GULP1: variants seen among roughly 807,000 people sequenced by gnomAD.
GULP1 encodes GULP PTB domain containing engulfment adaptor 1, also known as PTB domain-containing engulfment adapter protein 1.
A neutral mutation model predicts 40.9 loss-of-function variants in GULP1; 19 were observed. That is an observed-to-expected ratio of 0.46 (90% confidence interval 0.32 to 0.68). The LOEUF (loss-of-function observed/expected upper bound fraction) is 0.68. Among genes scored for constraint, GULP1 ranks in the 30% least tolerant of loss-of-function variants. GULP1 has a pLI of 0.03. For missense variants in GULP1, 312 were observed against 362.2 expected, an observed-to-expected ratio of 0.86 and a Z score of 1.12; for synonymous variants, 119 against 117.6, an observed-to-expected ratio of 1.01 and a Z score of -0.08.
chr2:188,535,696 T>C (rs145928834), intron 6 of GULP1, among the ~76,000 whole-genome samples: 3 of 152,298 alleles, frequency 2.0e-5, no homozygotes, highest in African/African-American at 7.2e-5. Flanking sequence ...TTTATGGATA[T>C]ATGTCAAGTA....
At chr2:188,523,945 A>G (rs906213506) in intron 5 of GULP1, among the ~76,000 whole-genome samples, 1 of 152,192 alleles carries the variant, frequency 6.6e-6, no homozygotes, top group Admixed American at 6.5e-5. Context: ...TTAGCCAACT[A>G]TTTATTTCCA....
chr2:188,569,046 C>G (rs1698457245), intron 7 of GULP1, among the ~76,000 whole-genome samples, 193 bp from the exon 8 acceptor site: 1 of 152,020 alleles, frequency 6.6e-6, no homozygotes, highest in Non-Finnish European at 1.5e-5. Context: ...AATGTTGTGC[C>G]TGGGTAGGTG....
chr2:188,455,733 C>T (rs957843033), intron 2 of GULP1, among the ~76,000 whole-genome samples: 3 of 152,204 alleles, frequency 2.0e-5, no homozygotes, highest in African/African-American at 2.4e-5. Context: ...AATGTGGAAG[C>T]GAATTTGGAA....
rs115352124 is a variant in GULP1 at position 188,469,452 on chromosome 2, G to A, written c.-44-8207G>A. 2.7e-3 allele frequency among the ~76,000 whole-genome samples: 418 copies of A among 152,238 alleles called. 1 individual carries two copies. The highest frequency in any genetic ancestry group is 9.7e-3 in the African/African-American group (405 of 41,550). On this transcript the variant is annotated intron_variant, in intron 2 of 11. Transcript: ENST00000409830. ...AACTGGGTAAATTATAAAGAAATGA[G>A]GTTTAACTGGCTCACGGTTCTGCAG...
intron 2 of GULP1, among the ~76,000 whole-genome samples, chr2:188,415,363 C>T (rs1428396068): frequency 6.6e-6 from 1 of 152,074 alleles, no homozygotes; most frequent in Non-Finnish European, 1.5e-5. Flanking sequence ...AACTTTATCT[C>T]AGAAGATTGC....
At chr2:188,519,521 C>G (rs553449685) in intron 4 of GULP1, among the ~76,000 whole-genome samples, 2 of 152,294 alleles carry the variant, frequency 1.3e-5, no homozygotes, top group South Asian at 4.1e-4. Context: ...TCCTGCTAAT[C>G]CTAGACCATC....
intron 2 of GULP1, among the ~76,000 whole-genome samples, chr2:188,433,359 C>G (rs1302165238): frequency 6.6e-6 from 1 of 152,086 alleles, no homozygotes; most frequent in East Asian, 1.9e-4. Context: ...CTCAGTCTGT[C>G]ATTTGTTTAT....
intron 2 of GULP1, among the ~76,000 whole-genome samples, chr2:188,421,854 A>G (rs1461454996): frequency 2.6e-5 from 4 of 152,164 alleles, no homozygotes; most frequent in African/African-American, 9.7e-5. Flanking sequence ...CCGATCTGTA[A>G]TTTTAGAAAT....
At chr2:188,459,497 G>A (rs1425305605) in intron 2 of GULP1, among the ~76,000 whole-genome samples, 3 of 151,968 alleles carry the variant, frequency 2.0e-5, no homozygotes, top group Non-Finnish European at 4.4e-5. Context: ...TCAAATTTTT[G>A]CCCATATTTT....
intron 7 of GULP1, among the ~76,000 whole-genome samples, chr2:188,553,883 T>G (rs1303944159): frequency 6.6e-6 from 1 of 152,090 alleles, no homozygotes; most frequent in East Asian, 1.9e-4. Flanking sequence ...TTTGTTAGGT[T>G]GCATGTTTCC....
chr2:188,579,571 A>T (rs1700862959), intron 9 of GULP1, among the ~76,000 whole-genome samples: 1 of 152,092 alleles, frequency 6.6e-6, no homozygotes, highest in Admixed American at 6.6e-5. Context: ...GACCCATGTG[A>T]TCTAAACAAA....
chr2:188,420,713 G>A (rs924705934), intron 2 of GULP1, among the ~76,000 whole-genome samples: 2 of 152,158 alleles, frequency 1.3e-5, no homozygotes, highest in African/African-American at 2.4e-5. Context: ...TTAGAATGTG[G>A]GAGTGCATGC....
chr2:188,350,701 T>C (rs1216965569), intron 1 of GULP1, among the ~76,000 whole-genome samples: 1 of 152,072 alleles, frequency 6.6e-6, no homozygotes, highest in Non-Finnish European at 1.5e-5. Context: ...TTTTACAATA[T>C]AACAAGTTTA....
At chr2:188,506,159 C>T (rs1347009694) in intron 4 of GULP1, among the ~76,000 whole-genome samples, 1 of 151,760 alleles carries the variant, frequency 6.6e-6, no homozygotes. Flanking sequence ...TTTATACACT[C>T]CTTTTGTCTT....
intron 2 of GULP1, among the ~76,000 whole-genome samples, chr2:188,425,415 A>T (rs969350725): frequency 4.6e-5 from 7 of 152,106 alleles, no homozygotes; most frequent in Non-Finnish European, 1.0e-4. Flanking sequence ...AAGACTTTGT[A>T]CCACTCTTGC....
intron 1 of GULP1, among the ~76,000 whole-genome samples, 184 bp from the exon 2 acceptor site, chr2:188,383,579 T>A (rs2152507416): frequency 6.6e-6 from 1 of 152,346 alleles, no homozygotes; most frequent in African/African-American, 2.4e-5. Context: ...TACCTAGGTA[T>A]CAGTAATAAT....
chr2:188,357,479 A>C (rs780618268), intron 1 of GULP1, among the ~76,000 whole-genome samples: 19 of 152,200 alleles, frequency 1.2e-4, no homozygotes, highest in African/African-American at 4.3e-4. Context: ...AGGGTAGTGC[A>C]TATCAAAACT....
intron 4 of GULP1, among the ~76,000 whole-genome samples, chr2:188,491,075 G>T (rs2062338264): frequency 6.6e-6 from 1 of 152,012 alleles, no homozygotes; most frequent in Non-Finnish European, 1.5e-5. Context: ...TGGGATTACA[G>T]GGATGAGCCA....
chr2:188,474,606 T>C (rs4667229), intron 2 of GULP1, among the ~76,000 whole-genome samples: 7,044 of 152,210 alleles, frequency 0.046, 364 homozygotes, highest in African/African-American at 0.13. Context: ...AGAGGAGTGA[T>C]GCTGGTGATT....
Sources: gnomAD v4.1 joint callset for allele counts (sites outside exome capture counted in the v4.1 genomes callset) on GRCh38, gnomAD v4.1.1 for gene constraint, MANE v1.5 for transcripts, NCBI Gene and HGNC (gene_info 2026-07-23, HGNC 2026-07-21) for gene names.